AP1S3: variants seen among roughly 807,000 people sequenced by gnomAD.
AP1S3 encodes the protein AP-1 complex subunit sigma-3.
Under a neutral mutation model 20.9 loss-of-function variants are expected in AP1S3, and 10 were observed. That is an observed-to-expected ratio of 0.48 (90% CI 0.29 to 0.81). The LOEUF is 0.81. Among genes scored for constraint, AP1S3 ranks in the 30% least tolerant of loss-of-function variants. The pLI, the probability that AP1S3 is intolerant of heterozygous loss-of-function variation, is 0.08. For missense variants in AP1S3, 154 were observed against 183.8 expected, an observed-to-expected ratio of 0.84 and a Z score of 0.94; for synonymous variants, 41 against 61.5, an observed-to-expected ratio of 0.67 and a Z score of 1.56.
intron 1 of AP1S3, among the ~76,000 whole-genome samples, chr2:223,814,002 G>C (rs1017997598): frequency 2.6e-5 from 4 of 152,206 alleles, no homozygotes; most frequent in Admixed American, 2.0e-4. Context: ...CAAAATGAAA[G>C]TACCCAGTAT....
intron 3 of AP1S3, among the ~76,000 whole-genome samples, chr2:223,773,694 A>G (rs1690685574): frequency 6.6e-6 from 1 of 151,280 alleles, no homozygotes; most frequent in Non-Finnish European, 1.5e-5. Flanking sequence ...AAACGTGTTC[A>G]ATATTGCAAA....
intron 1 of AP1S3, among the ~76,000 whole-genome samples, chr2:223,816,049 G>T (rs948911384): frequency 6.6e-6 from 1 of 152,224 alleles, no homozygotes; most frequent in Non-Finnish European, 1.5e-5. Context: ...GGCTGAGGCT[G>T]CAGTGAGCCG....
At chr2:223,817,970 T>C (rs1005886480) in intron 1 of AP1S3, among the ~76,000 whole-genome samples, 3 of 152,092 alleles carry the variant, frequency 2.0e-5, no homozygotes, top group Admixed American at 1.3e-4. Context: ...GGCACTTTTA[T>C]ATACATTATA....
At position 223,756,423 on chromosome 2, in the gene AP1S3, GAGA is replaced by G. The variant is rs1383154545; in HGVS notation, c.*2289_*2291del. On this transcript the variant is annotated 3_prime_UTR_variant, in exon 5 of 5. Coordinates refer to ENST00000396654, the MANE Select transcript of AP1S3 (RefSeq NM_001039569.2). ...GAAGGAAGGGAGGGAAGGAGAGAGA[GAGA>G]AGAAGGAAGGAAGAAAGGAAGGAAA... The G allele has an allele frequency of 6.7e-4, 432 of 641,634 alleles. 3 individuals carry two copies. In the African/African-American group the frequency reaches 6.8e-3, roughly 10 times the overall value. 39.7% of individuals were successfully genotyped at this position (641,634 alleles called of 1,614,324 possible).
intron 1 of AP1S3, among the ~76,000 whole-genome samples, chr2:223,794,968 A>T (rs1315817865): frequency 6.6e-6 from 1 of 152,244 alleles, no homozygotes; most frequent in Non-Finnish European, 1.5e-5. Context: ...TAAAAAGGCC[A>T]TCTGCAGGCC....
chr2:223,826,882 C>A (rs1692141141), intron 1 of AP1S3, among the ~76,000 whole-genome samples: 1 of 152,122 alleles, frequency 6.6e-6, no homozygotes, highest in South Asian at 2.1e-4. Context: ...AAACTCAACA[C>A]CCTGCATGGT....
chr2:223,785,199 G>A (rs1051505620), intron 1 of AP1S3, among the ~76,000 whole-genome samples: 10 of 152,022 alleles, frequency 6.6e-5, no homozygotes, highest in Middle Eastern at 3.2e-3. Flanking sequence ...AAAATTAGCC[G>A]GGCGTGGTGG....
rs770481597 is a variant in AP1S3, at chr2:223,757,739, AG to A, written c.*975del. On this transcript the variant is annotated 3_prime_UTR_variant, in exon 5 of 5. Transcript: ENST00000396654. ...GGAGGAAAGGGTAAGAAAAGAAAAA[AG>A]AAGGAAAGGAATCTACCATATAGGC... 1.0e-5 allele frequency: 10 copies of A among 985,338 alleles called. No homozygotes were observed. The highest frequency in any genetic ancestry group is 1.7e-5 in the African/African-American group (1 of 57,252). The allele number at this position is 985,338 out of a possible 1,614,324, so 61.0% of individuals were successfully genotyped here.
chr2:223,835,902 A>G (rs1692384035), intron 1 of AP1S3, among the ~76,000 whole-genome samples: 1 of 152,214 alleles, frequency 6.6e-6, no homozygotes, highest in African/African-American at 2.4e-5. Flanking sequence ...CTGTTAGGCA[A>G]ATTACACTGG....
At chr2:223,827,259 G>A (rs545636395) in intron 1 of AP1S3, among the ~76,000 whole-genome samples, 23 of 152,060 alleles carry the variant, frequency 1.5e-4, no homozygotes, top group African/African-American at 5.3e-4. Flanking sequence ...TGAAACTGAA[G>A]GTAAGTACTT....
intron 3 of AP1S3, among the ~76,000 whole-genome samples, chr2:223,769,989 C>T (rs1297156078): frequency 6.6e-6 from 1 of 152,120 alleles, no homozygotes; most frequent in Admixed American, 6.5e-5. Context: ...CGTGATCCAC[C>T]CGCCTCGGCC....
rs116107386 is a variant in AP1S3, at chr2:223,777,862, A to C, written c.11T>G (p.Phe4Cys). The C allele has an allele frequency of 0.011, 17,504 of 1,613,370 alleles. 127 individuals are homozygous for C. The highest frequency in any genetic ancestry group is 0.013 in the Non-Finnish European group (15,859 of 1,179,680). Residue 4 changes from phenylalanine to cysteine, a missense_variant, in exon 2 of 5, where the codon TTC becomes TGC. Physicochemically the swap from Phe to Cys is radical, Grantham distance 205. Transcript: ENST00000396654. MIHFILLFSRQGKL... is the reference protein window; with the variant it reads MIHCILLFSRQGKL... ...CCCTTGTCGACTGAAGAGCAATATG[A>C]AATGTATCTAGAACAAAGGACACAA...
intron 1 of AP1S3, among the ~76,000 whole-genome samples, chr2:223,793,393 T>C (rs866864348): frequency 9.2e-5 from 14 of 152,194 alleles, no homozygotes; most frequent in Middle Eastern, 3.4e-3. Context: ...TATGCAGCCA[T>C]AAAAAGGAAT....
Position 223,816,438 on chromosome 2 carries a change from G to A in AP1S3, c.3+21010C>T, listed in dbSNP as rs200202819. 1.2e-4 allele frequency among the ~76,000 whole-genome samples: 19 copies of A among 152,220 alleles called. No individual in the cohort carries two copies. The East Asian group carries it at 2.9e-3, about 23-fold the overall frequency. ...AGCCAGGTTTCCGGGCCATGAACAC[G>A]TAGCTTTGCTAAGAGAAGCATGAAA... On this transcript the variant is annotated intron_variant, in intron 1 of 4. Coordinates refer to ENST00000396654, the MANE Select transcript of AP1S3 (RefSeq NM_001039569.2).
At chr2:223,769,409 A>G (rs1331847517) in intron 3 of AP1S3, among the ~76,000 whole-genome samples, 1 of 152,256 alleles carries the variant, frequency 6.6e-6, no homozygotes, top group African/African-American at 2.4e-5. Context: ...TCGGATGAAT[A>G]TTAATTAAAC....
At chr2:223,779,692 G>T (rs1384453107) in intron 1 of AP1S3, among the ~76,000 whole-genome samples, 1 of 151,780 alleles carries the variant, frequency 6.6e-6, no homozygotes, top group African/African-American at 2.4e-5. Context: ...TTTCGGCCAG[G>T]TGTGGTGGCT....
intron 1 of AP1S3, among the ~76,000 whole-genome samples, chr2:223,782,802 G>A (rs976138696): frequency 2.0e-5 from 3 of 152,216 alleles, no homozygotes; most frequent in South Asian, 4.1e-4. Context: ...GCCCCCTCAC[G>A]TTCTGCTCTG....
intron 1 of AP1S3, among the ~76,000 whole-genome samples, chr2:223,820,288 T>C (rs1453642264): frequency 6.6e-6 from 1 of 152,236 alleles, no homozygotes; most frequent in Non-Finnish European, 1.5e-5. Context: ...CATTACGTTT[T>C]AAAATGTTTT....
intron 1 of AP1S3, among the ~76,000 whole-genome samples, chr2:223,835,360 A>T (rs375505686): frequency 4.6e-5 from 7 of 152,334 alleles, no homozygotes; most frequent in African/African-American, 1.7e-4. Context: ...ATGCCCAATA[A>T]CATTAATGTT....
Sources: gnomAD v4.1 joint callset for allele counts (sites outside exome capture counted in the v4.1 genomes callset) on GRCh38, gnomAD v4.1.1 for gene constraint, MANE v1.5 for transcripts, NCBI Gene and HGNC (gene_info 2026-07-23, HGNC 2026-07-21) for gene names.